Variants in INSYN2B observed in about 807,000 individuals in gnomAD.
INSYN2B encodes the protein inhibitory synaptic factor family member 2B.
A neutral mutation model predicts 41.2 loss-of-function variants in INSYN2B; 16 were observed. The ratio of observed to expected loss-of-function variants is 0.39; its 90% CI spans 0.26 to 0.59. The LOEUF (loss-of-function observed/expected upper bound fraction) is 0.59. INSYN2B is among the 20% of genes least tolerant of loss of function. The pLI is 0.57. For missense variants in INSYN2B, 608 were observed against 646.4 expected (o/e 0.94, Z 0.64); for synonymous variants, 245 against 244.4 (o/e 1.00, Z -0.02).
chr5:169,961,725 C>CCCAG (rs1389751768), intron 1 of INSYN2B, among the ~76,000 whole-genome samples: 2 of 152,010 alleles, frequency 1.3e-5, no homozygotes, highest in Admixed American at 6.6e-5. Context: ...CGCCCGTAAT[C>CCCAG]CCAGCACTTT....
intron 1 of INSYN2B, among the ~76,000 whole-genome samples, chr5:169,930,001 T>C (rs927933065): frequency 6.6e-6 from 1 of 152,184 alleles, no homozygotes; most frequent in Admixed American, 6.5e-5. Flanking sequence ...ATTTATTTTG[T>C]TTATTTTTGA....
chr5:169,920,882 A>C (rs956992435), intron 1 of INSYN2B, among the ~76,000 whole-genome samples: 3 of 151,924 alleles, frequency 2.0e-5, no homozygotes, highest in African/African-American at 7.3e-5. Flanking sequence ...CAAGCCCAGT[A>C]GTGGGCAGTT....
At chr5:169,881,940 C>T (rs1772678237) in intron 2 of INSYN2B, among the ~76,000 whole-genome samples, 1 of 152,226 alleles carries the variant, frequency 6.6e-6, no homozygotes, top group African/African-American at 2.4e-5. Context: ...AAATAACTGC[C>T]TTTTCCTCCT....
chr5:169,925,389 G>A (rs1296476962), intron 1 of INSYN2B, among the ~76,000 whole-genome samples: 1 of 152,018 alleles, frequency 6.6e-6, no homozygotes, highest in Admixed American at 6.5e-5. Context: ...AGACCAGCCT[G>A]GCCAACATGG....
intron 1 of INSYN2B, among the ~76,000 whole-genome samples, chr5:169,897,573 G>A (rs1773684283): frequency 6.6e-6 from 1 of 152,220 alleles, no homozygotes; most frequent in South Asian, 2.1e-4. Context: ...TATCAAGTGG[G>A]AAGTAGGGTT....
rs1171468516 is a variant in INSYN2B at position 169,883,200 on chromosome 5, T to C, written c.699A>G (p.Ile233Met). Residue 233 changes from isoleucine (I) to methionine (M), a missense_variant, in exon 2 of 4, where the codon ATA becomes ATG. Ile to Met is a conservative substitution (Grantham distance 10, BLOSUM62 1). Coordinates refer to ENST00000377365, the MANE Select transcript of INSYN2B (RefSeq NM_001129891.3). ...PDRSAEVSNS[I>M]HPLDDTRPGD... is the part of the protein sequence containing the mutation. ...CTGGACGTGTGTCATCCAAAGGGTG[T>C]ATGGAGTTACTTACTTCAGCTGACC... 6.4e-7 allele frequency: 1 copy of C among 1,551,606 alleles called. No individual in the cohort carries two copies. Among genetic ancestry groups the C allele is most frequent in the Non-Finnish European group, 8.7e-7 (1 of 1,146,942 alleles).
At position 169,883,884 on chromosome 5, in the gene INSYN2B, A is replaced by G. The variant is rs1179131190; in HGVS notation, c.15T>C (p.Asn5=). Residue 5 remains asparagine (N), a synonymous_variant, in exon 2 of 4, where the codon AAT becomes AAC. Transcript: ENST00000377365. The stretch of plus-strand genomic sequence containing the variant: ...TTAGAAGCACAGGTCTCACTTTCAT[A>G]TTTTGCTGGGCCATTGAGCCTCAGT... The part of the protein sequence containing the change: MAQQ[N]MKVRPVLLKR... 1 of 1,505,192 alleles carries G rather than the reference A, an allele frequency of 6.6e-7. No homozygotes were observed. The highest frequency in any genetic ancestry group is 1.4e-5 in the African/African-American group (1 of 71,692). The allele number at this position is 1,505,192 out of a possible 1,614,324, so 93.2% of individuals were successfully genotyped here. A position where few individuals can be genotyped will look rare whatever the true frequency, so the allele number is the denominator to read the frequency against.
intron 1 of INSYN2B, among the ~76,000 whole-genome samples, chr5:169,937,291 C>A (rs1776039382): frequency 6.6e-6 from 1 of 152,172 alleles, no homozygotes; most frequent in Non-Finnish European, 1.5e-5. Context: ...AAATCTGACC[C>A]TTTGAGAACA....
intron 1 of INSYN2B, among the ~76,000 whole-genome samples, chr5:169,943,802 T>C (rs1426107337): frequency 6.6e-6 from 1 of 152,178 alleles, no homozygotes; most frequent in East Asian, 1.9e-4. Context: ...ACCTGTGTTT[T>C]AGCCAGCCCC....
At position 169,881,428 on chromosome 5, in the gene INSYN2B, C is replaced by T. The variant is rs567915577; in HGVS notation, c.1361G>A (p.Arg454Gln). Residue 454 changes from arginine (R) to glutamine (Q), a missense_variant, in exon 3 of 4, where the codon CGA (arginine) becomes CAA (glutamine). Physicochemically the swap from Arg to Gln is conservative, Grantham distance 43. Transcript: ENST00000377365. ...GCAATTGTTGAGATCTTGGCCAGTT[C>T]GATAAAAGTTGCGCCTGCAAGACAG... ...RALTEGRNFY[R>Q]TGQDLNNCST... 8 of 1,551,392 alleles carry T rather than the reference C, an allele frequency of 5.2e-6. No individual in the cohort carries two copies. Among genetic ancestry groups the T allele is most frequent in the East Asian group, 2.4e-5 (1 of 40,908 alleles).
intron 1 of INSYN2B, among the ~76,000 whole-genome samples, chr5:169,957,385 T>C (rs1776913430): frequency 6.6e-6 from 1 of 152,236 alleles, no homozygotes; most frequent in South Asian, 2.1e-4. Flanking sequence ...CTTAGCACAT[T>C]GTTTAGAACG....
Position 169,921,707 on chromosome 5 carries a change from T to C in INSYN2B, c.-918-36891A>G, listed in dbSNP as rs146575112. Among the ~76,000 whole-genome samples, 188 of 152,280 alleles carry C rather than the reference T, an allele frequency of 1.2e-3. 1 individual carries two copies. The highest frequency in any genetic ancestry group is 2.1e-3 in the South Asian group (10 of 4,828). ...GGAGAAGCCAGTTTTGGAGATGGGATTGCATCCCAGGAGTACATTGAAATG... is the reference window on the plus strand; with the variant it reads ...GGAGAAGCCAGTTTTGGAGATGGGACTGCATCCCAGGAGTACATTGAAATG... On this transcript the variant is annotated intron_variant, in intron 1 of 3. Transcript: ENST00000377365.
chr5:169,902,251 A>G (rs2113584079), intron 1 of INSYN2B, among the ~76,000 whole-genome samples: 1 of 152,354 alleles, frequency 6.6e-6, no homozygotes, highest in South Asian at 2.1e-4. Flanking sequence ...AAGCTGTCAC[A>G]GGAGCAAAGA....
intron 1 of INSYN2B, among the ~76,000 whole-genome samples, chr5:169,946,097 C>T (rs557167336): frequency 6.6e-6 from 1 of 152,326 alleles, no homozygotes; most frequent in African/African-American, 2.4e-5. Flanking sequence ...CCCCAGTTCA[C>T]TCTGGCAGGC....
intron 1 of INSYN2B, among the ~76,000 whole-genome samples, chr5:169,900,662 TA>T (rs1773873181): frequency 2.6e-5 from 4 of 152,248 alleles, no homozygotes; most frequent in South Asian, 2.1e-4. Context: ...TTAGCAGTAT[TA>T]CATGCTTTGG....
chr5:169,895,151 C>G (rs185836540), intron 1 of INSYN2B, among the ~76,000 whole-genome samples: 2 of 152,328 alleles, frequency 1.3e-5, no homozygotes, highest in African/African-American at 4.8e-5. Flanking sequence ...TTAATTGCCT[C>G]TCACCTGATG....
intron 1 of INSYN2B, among the ~76,000 whole-genome samples, chr5:169,943,407 A>C (rs1776320131): frequency 6.6e-6 from 1 of 152,102 alleles, no homozygotes; most frequent in Admixed American, 6.5e-5. Context: ...CTACACAGGA[A>C]TATGGCCCAG....
chr5:169,937,635 A>ATAT (rs4041976), intron 1 of INSYN2B, among the ~76,000 whole-genome samples: 71,366 of 151,836 alleles, frequency 0.47, 16,877 homozygotes, highest in South Asian at 0.62. Context: ...TATGAGGGAG[A>ATAT]TATAATTATT....
chr5:169,969,451 C>G (rs916714238), intron 1 of INSYN2B, among the ~76,000 whole-genome samples: 1 of 151,936 alleles, frequency 6.6e-6, no homozygotes, highest in Non-Finnish European at 1.5e-5. Flanking sequence ...TCTCAAAAAA[C>G]AAAGAAAAAA....
Sources: allele counts gnomAD v4.1 joint callset (sites outside exome capture counted in the v4.1 genomes callset), GRCh38; gene constraint gnomAD v4.1.1; transcripts MANE v1.5; gene names NCBI Gene and HGNC (gene_info 2026-07-23, HGNC 2026-07-21).